RAB3B: variants seen among roughly 807,000 people sequenced by gnomAD.
RAB3B encodes the protein RAB3B, member RAS oncogene family, also known as ras-related protein Rab-3B.
In RAB3B, 11 loss-of-function variants were observed where a neutral mutation model predicts 20.5. The observed-to-expected ratio is 0.54, with a 90% CI of 0.34 to 0.89. The LOEUF (loss-of-function observed/expected upper bound fraction) is 0.89, where lower values mean the gene tolerates loss of function less well. Ranked by LOEUF, RAB3B falls within the 40% of genes least tolerant of loss-of-function variation. RAB3B has a pLI of 0.02. For synonymous variants in RAB3B, 99 were observed against 106.3 expected, an observed-to-expected ratio of 0.93 and a Z score of 0.42; for missense variants, 225 against 280.9, an observed-to-expected ratio of 0.80 and a Z score of 1.42.
Position 51,917,459 on chromosome 1 carries a change from G to C in RAB3B, c.*2468C>G, listed in dbSNP as rs962889857. ...CACAGTTGATTTAATGACAGAGTCC[G>C]GGTCTCCTGATTCCAAGTCCAAAGC... On this transcript the variant is annotated 3_prime_UTR_variant, in exon 5 of 5. Coordinates refer to ENST00000371655, the MANE Select transcript of RAB3B (RefSeq NM_002867.4). The C allele has an allele frequency of 2.0e-5, 3 of 152,000 alleles. No individual in the cohort carries two copies. Among genetic ancestry groups the C allele is most frequent in the Non-Finnish European group, 4.4e-5 (3 of 68,006 alleles). 9.4% of individuals were successfully genotyped at this position (152,000 alleles called of 1,614,324 possible).
At chr1:51,980,687 A>G (rs1183258329) in intron 1 of RAB3B, 3 of 756,550 alleles carry the variant, frequency 4.0e-6, no homozygotes, top group African/African-American at 1.7e-5. Context: ...GTGAAGCTAC[A>G]TTACTATGCG....
rs116544727 is a variant in RAB3B, at chr1:51,961,037, G to A, written c.228+15853C>T. ...TCTATTTTACAGCTGAGGAAACAGAGGTTCAGAGACATTACTTATCACACT... is the reference window on the plus strand; with the variant it reads ...TCTATTTTACAGCTGAGGAAACAGAAGTTCAGAGACATTACTTATCACACT... On this transcript the variant is annotated intron_variant, in intron 2 of 4. Transcript: ENST00000371655. Among the ~76,000 whole-genome samples the A allele has an allele frequency of 1.7e-3, 254 of 152,246 alleles. 1 individual carries two copies. The highest frequency in any genetic ancestry group is 6.0e-3 in the African/African-American group (248 of 41,542).
At chr1:51,929,801 T>C (rs1486117085) in intron 4 of RAB3B, among the ~76,000 whole-genome samples, 1 of 152,220 alleles carries the variant, frequency 6.6e-6, no homozygotes, top group Non-Finnish European at 1.5e-5. Context: ...ATTTATTTAA[T>C]GTCTCTTTCC....
intron 2 of RAB3B, among the ~76,000 whole-genome samples, chr1:51,961,026 G>A (rs915080657): frequency 2.6e-5 from 4 of 152,140 alleles, no homozygotes; most frequent in African/African-American, 9.7e-5. Flanking sequence ...TTTTACAGCT[G>A]AGGAAACAGA....
At chr1:51,953,922 A>T (rs1395491523) in intron 2 of RAB3B, among the ~76,000 whole-genome samples, 2 of 152,274 alleles carry the variant, frequency 1.3e-5, no homozygotes, top group East Asian at 3.8e-4. Context: ...AATTAGCTAA[A>T]CTAAAATTAA....
rs1683963078 is a variant in RAB3B at position 51,909,164 on chromosome 1, T to C, written c.*10763A>G. On this transcript the variant is annotated 3_prime_UTR_variant, in exon 5 of 5. Coordinates refer to ENST00000371655, the MANE Select transcript of RAB3B (RefSeq NM_002867.4). ...GCATGCTGGCCCTGGTATTTCTAGA[T>C]GAGGTTAGGTTCCTGGGACAGGAGT... is the stretch of plus-strand genomic sequence containing the variant. 1 of 151,872 alleles carries C rather than the reference T, an allele frequency of 6.6e-6. No individual in the cohort carries two copies. The highest frequency in any genetic ancestry group is 1.5e-5 in the Non-Finnish European group (1 of 67,962). 9.4% of individuals were successfully genotyped at this position (151,872 alleles called of 1,614,324 possible). A position where few individuals can be genotyped will look rare whatever the true frequency, so the allele number is the denominator to read the frequency against.
intron 2 of RAB3B, among the ~76,000 whole-genome samples, chr1:51,963,131 T>C (rs1019261096): frequency 5.3e-5 from 8 of 152,176 alleles, no homozygotes; most frequent in African/African-American, 1.7e-4. Context: ...GTGATATTGA[T>C]CTCTGACCCC....
chr1:51,953,601 C>T (rs998013577), intron 2 of RAB3B, among the ~76,000 whole-genome samples: 4 of 152,140 alleles, frequency 2.6e-5, no homozygotes, highest in Admixed American at 6.6e-5. Context: ...TTCAGGAGTT[C>T]GAGACCAGCC....
intron 4 of RAB3B, among the ~76,000 whole-genome samples, chr1:51,927,110 C>T (rs1684255301): frequency 6.6e-6 from 1 of 152,172 alleles, no homozygotes; most frequent in African/African-American, 2.4e-5. Context: ...TTCTCTGCAA[C>T]CAGACTCAAT....
In RAB3B at chr1:51,963,356, T is replaced by C. The variant is rs78813883; in HGVS notation, c.228+13534A>G. Among the ~76,000 whole-genome samples the C allele has an allele frequency of 5.1e-3, 770 of 152,300 alleles. 10 individuals are homozygous for C. In the South Asian group the frequency reaches 0.06, roughly 12 times the overall value. ...CCAACTTGAATTCTAAGGTCAATCA[T>C]GACAACAGCCTCCCTTCACATGCCC... On this transcript the variant is annotated intron_variant, in intron 2 of 4. Coordinates refer to ENST00000371655, the MANE Select transcript of RAB3B (RefSeq NM_002867.4).
intron 2 of RAB3B, among the ~76,000 whole-genome samples, chr1:51,966,765 G>T (rs1167339110): frequency 6.6e-6 from 1 of 152,142 alleles, no homozygotes; most frequent in African/African-American, 2.4e-5. Flanking sequence ...CTGAGCACAG[G>T]ATGGTGTACT....
At position 51,919,849 on chromosome 1, in the gene RAB3B, G is replaced by C. The variant is rs531527653; in HGVS notation, c.*78C>G. 2.5e-5 allele frequency: 35 copies of C among 1,391,180 alleles called. No homozygotes were observed. In the East Asian group the frequency reaches 6.8e-4, roughly 27 times the overall value. 86.2% of individuals were successfully genotyped at this position (1,391,180 alleles called of 1,614,324 possible). A position where few individuals can be genotyped will look rare whatever the true frequency, so the allele number is the denominator to read the frequency against. Reference sequence around the variant, plus strand: ...GTGTGTAACAGGGAGAGTGGGCTGAGAGCGGACAGTGTGTAACAGGGAGAA... The same window carrying C: ...GTGTGTAACAGGGAGAGTGGGCTGACAGCGGACAGTGTGTAACAGGGAGAA... On this transcript the variant is annotated 3_prime_UTR_variant, in exon 5 of 5. Transcript: ENST00000371655.
In RAB3B at chr1:51,919,053, G is replaced by A. The variant is rs1684129154; in HGVS notation, c.*874C>T. The A allele has an allele frequency of 6.7e-6, 1 of 149,026 alleles. No individual in the cohort carries two copies. The highest frequency in any genetic ancestry group is 1.5e-5 in the Non-Finnish European group (1 of 67,614). 9.2% of individuals were successfully genotyped at this position (149,026 alleles called of 1,614,324 possible). On this transcript the variant is annotated 3_prime_UTR_variant, in exon 5 of 5. Coordinates refer to ENST00000371655, the MANE Select transcript of RAB3B (RefSeq NM_002867.4). ...CTGCGGACTGCAGTGGCGCAATCTC[G>A]GCTCACTGCAAGCTCCGCTTCCCGG...
intron 2 of RAB3B, among the ~76,000 whole-genome samples, chr1:51,954,411 T>C (rs981399911): frequency 6.6e-6 from 1 of 152,264 alleles, no homozygotes; most frequent in African/African-American, 2.4e-5. Context: ...AGTAACATTT[T>C]CTTCTTTATG....
At chr1:51,984,322 T>TA (rs925818847) in intron 1 of RAB3B, among the ~76,000 whole-genome samples, 29 of 109,400 alleles carry the variant, frequency 2.7e-4, no homozygotes, top group Non-Finnish European at 4.7e-4. Flanking sequence ...TTGAAAACTC[T>TA]AAAAAAACAT....
intron 1 of RAB3B, 119 bp from the exon 2 acceptor site, chr1:51,977,236 A>AGTGTGCATTTCCTC: frequency 1.4e-6 from 1 of 721,970 alleles, no homozygotes; most frequent in South Asian, 1.7e-5. Context: ...ACCACTGAGG[A>AGTGTGCATTTCCTC]AATGCACACT....
chr1:51,980,096 A>G (rs1010386946), intron 1 of RAB3B, among the ~76,000 whole-genome samples: 1 of 151,864 alleles, frequency 6.6e-6, no homozygotes, highest in Admixed American at 6.6e-5. Flanking sequence ...GGCTGTTAAC[A>G]TTTTACTGTA....
At chr1:51,981,421 T>C (rs998950847) in intron 1 of RAB3B, among the ~76,000 whole-genome samples, 5 of 152,252 alleles carry the variant, frequency 3.3e-5, no homozygotes, top group African/African-American at 4.8e-5. Flanking sequence ...CTCTGATTCC[T>C]GATCCAGTTC....
chr1:51,909,143 G>C lies in RAB3B; in HGVS notation c.*10784C>G, dbSNP rs1683962792. The C allele has an allele frequency of 6.6e-6, 1 of 152,150 alleles. No individual in the cohort carries two copies. The highest frequency in any genetic ancestry group is 1.5e-5 in the Non-Finnish European group (1 of 68,038). The allele number at this position is 152,150 out of a possible 1,614,324, so 9.4% of individuals were successfully genotyped here. On this transcript the variant is annotated 3_prime_UTR_variant, in exon 5 of 5. Coordinates refer to ENST00000371655, the MANE Select transcript of RAB3B (RefSeq NM_002867.4). ...AACCAAACCTCTAGGTGTAAGGCATGCTGGCCCTGGTATTTCTAGATGAGG... is the reference window on the plus strand; with the variant it reads ...AACCAAACCTCTAGGTGTAAGGCATCCTGGCCCTGGTATTTCTAGATGAGG...
Sources: allele counts gnomAD v4.1 joint callset (sites outside exome capture counted in the v4.1 genomes callset), GRCh38; gene constraint gnomAD v4.1.1; transcripts MANE v1.5; gene names NCBI Gene and HGNC (gene_info 2026-07-23, HGNC 2026-07-21).